Variants in PRKCB observed in about 807,000 individuals in gnomAD.
The protein encoded by PRKCB is protein kinase C beta.
PRKCB carries 13 observed loss-of-function variants against 81.5 expected under a neutral mutation model. That is an observed-to-expected ratio of 0.16 (90% CI 0.10 to 0.25). PRKCB has a LOEUF of 0.25. Among genes scored for constraint, PRKCB ranks in the 10% least tolerant of loss-of-function variants. The probability of loss-of-function intolerance (pLI) is 1.00; values close to 1 mark genes in which losing one functional copy is unlikely to be tolerated. For missense variants in PRKCB, 509 were observed against 875.7 expected, an observed-to-expected ratio of 0.58 and a Z score of 5.29; for synonymous variants, 335 against 321.4, an observed-to-expected ratio of 1.04 and a Z score of -0.45.
intron 12 of PRKCB, among the ~76,000 whole-genome samples, chr16:24,179,146 C>T (rs1967580338): frequency 6.6e-6 from 1 of 152,228 alleles, no homozygotes; most frequent in South Asian, 2.1e-4. Flanking sequence ...AGCACTAATA[C>T]TTAACAGCTT....
intron 5 of PRKCB, among the ~76,000 whole-genome samples, chr16:24,065,856 TC>T (rs1438906958): frequency 6.6e-6 from 1 of 152,110 alleles, no homozygotes; most frequent in Admixed American, 6.5e-5. Context: ...GGAAAAAAAA[TC>T]TTTATTTCAC....
chr16:24,146,506 T>C (rs1966992426), intron 9 of PRKCB, among the ~76,000 whole-genome samples: 1 of 152,184 alleles, frequency 6.6e-6, no homozygotes, highest in African/African-American at 2.4e-5. Flanking sequence ...GTACAGCTTG[T>C]ATGTGGCAAA....
At chr16:24,039,153 T>C (rs1035075271) in intron 5 of PRKCB, among the ~76,000 whole-genome samples, 1 of 152,192 alleles carries the variant, frequency 6.6e-6, no homozygotes, top group Non-Finnish European at 1.5e-5. Flanking sequence ...TTACCAGGAA[T>C]TGAAGCTGCT....
At chr16:23,914,883 A>T (rs1963715761) in intron 2 of PRKCB, among the ~76,000 whole-genome samples, 1 of 152,208 alleles carries the variant, frequency 6.6e-6, no homozygotes, top group African/African-American at 2.4e-5. Flanking sequence ...TCTCCTTGAA[A>T]ACTATTTAAG....
At chr16:24,064,996 A>G (rs1475520108) in intron 5 of PRKCB, among the ~76,000 whole-genome samples, 3 of 147,348 alleles carry the variant, frequency 2.0e-5, no homozygotes, top group Non-Finnish European at 4.5e-5. Flanking sequence ...GTGTGTGTGT[A>G]TATATATATA....
At chr16:23,906,433 A>G (rs1963562751) in intron 2 of PRKCB, among the ~76,000 whole-genome samples, 1 of 152,116 alleles carries the variant, frequency 6.6e-6, no homozygotes, top group Admixed American at 6.5e-5. Context: ...TTTTATATAT[A>G]ATGTAATTTA....
At chr16:24,180,690 A>G in intron 12 of PRKCB, 100 bp from the exon 13 acceptor site, 1 of 1,425,026 alleles carries the variant, frequency 7.0e-7, no homozygotes, top group Non-Finnish European at 9.7e-7. Flanking sequence ...TTGTGCCCAC[A>G]CAACACCTAA....
chr16:24,109,137 G>C, intron 7 of PRKCB, among the ~76,000 whole-genome samples: 1 of 143,956 alleles, frequency 6.9e-6, no homozygotes, highest in South Asian at 2.2e-4. Flanking sequence ...TCCCGGACGG[G>C]GCGGCTGGCC....
At chr16:24,065,000 A>G (rs1164150717) in intron 5 of PRKCB, among the ~76,000 whole-genome samples, 2 of 148,010 alleles carry the variant, frequency 1.4e-5, no homozygotes, top group African/African-American at 2.5e-5. Context: ...GTGTGTATAT[A>G]TATATATAAA....
chr16:24,164,762 A>G (rs1596577315), intron 10 of PRKCB, among the ~76,000 whole-genome samples: 2 of 152,348 alleles, frequency 1.3e-5, no homozygotes, highest in African/African-American at 4.8e-5. Context: ...GCCAATCTGG[A>G]CTTCAAGTCG....
intron 10 of PRKCB, among the ~76,000 whole-genome samples, chr16:24,157,960 A>T (rs1397434899): frequency 1.3e-5 from 2 of 152,158 alleles, no homozygotes; most frequent in African/African-American, 2.4e-5. Flanking sequence ...TACACATGGG[A>T]ATGAAGGCCT....
At chr16:23,911,430 A>G (rs1000161870) in intron 2 of PRKCB, among the ~76,000 whole-genome samples, 1 of 151,794 alleles carries the variant, frequency 6.6e-6, no homozygotes, top group African/African-American at 2.4e-5. Flanking sequence ...GCCTGGTCCA[A>G]TTTTTTGTAT....
chr16:24,177,295 A>T (rs1967550434), intron 12 of PRKCB, among the ~76,000 whole-genome samples: 1 of 152,182 alleles, frequency 6.6e-6, no homozygotes, highest in South Asian at 2.1e-4. Flanking sequence ...AAATTAAAAG[A>T]TTAGCATTTC....
chr16:24,032,556 C>A (rs1199022718), intron 4 of PRKCB, among the ~76,000 whole-genome samples: 2 of 152,180 alleles, frequency 1.3e-5, no homozygotes, highest in African/African-American at 2.4e-5. Context: ...TGGAGGTGGG[C>A]TGGGAGCTGT....
intron 2 of PRKCB, among the ~76,000 whole-genome samples, chr16:23,973,908 C>T (rs1469425302): frequency 1.3e-5 from 2 of 151,402 alleles, no homozygotes; most frequent in African/African-American, 4.9e-5. Flanking sequence ...TGGGCTCAAG[C>T]AATTCACCTT....
At chr16:23,941,597 T>A (rs900223805) in intron 2 of PRKCB, among the ~76,000 whole-genome samples, 1 of 152,182 alleles carries the variant, frequency 6.6e-6, no homozygotes, top group African/African-American at 2.4e-5. Flanking sequence ...ACATTATGAT[T>A]TATTATTAGG....
At chr16:23,863,249 T>TACACAC (rs1250558253) in intron 2 of PRKCB, among the ~76,000 whole-genome samples, 29 of 56,062 alleles carry the variant, frequency 5.2e-4, no homozygotes, top group African/African-American at 1.4e-3. Context: ...TACATATATA[T>TACACAC]ACACATACAC....
intron 10 of PRKCB, among the ~76,000 whole-genome samples, chr16:24,162,195 T>A (rs186557960): frequency 1.3e-5 from 2 of 152,106 alleles, no homozygotes; most frequent in East Asian, 3.9e-4. Flanking sequence ...TGAGGATGAT[T>A]CCCACATGTA....
intron 2 of PRKCB, among the ~76,000 whole-genome samples, chr16:23,863,209 T>TATATATAC (rs1350381007): frequency 8.9e-5 from 5 of 56,342 alleles, no homozygotes; most frequent in Admixed American, 2.7e-4. Context: ...TATATGTGTA[T>TATATATAC]ATATACATAC....
Sources: allele counts gnomAD v4.1 joint callset (sites outside exome capture counted in the v4.1 genomes callset), GRCh38; gene constraint gnomAD v4.1.1; transcripts MANE v1.5; gene names NCBI Gene and HGNC (gene_info 2026-07-23, HGNC 2026-07-21).